The following CHMP4C variants were observed in gnomAD, a reference collection of about 807,000 sequenced individuals.
The protein encoded by CHMP4C is SNF7 homolog associated with Alix 3.
CHMP4C carries 28 observed loss-of-function variants against 29.0 expected under a neutral mutation model. The observed-to-expected ratio is 0.97, with a 90% CI of 0.72 to 1.32. The LOEUF (loss-of-function observed/expected upper bound fraction) is 1.32. CHMP4C is among the 40% of genes most tolerant of loss of function. The pLI is 0.00. For missense variants in CHMP4C, 291 were observed against 281.0 expected, an observed-to-expected ratio of 1.04 and a Z score of -0.25; for synonymous variants, 106 against 102.4, an observed-to-expected ratio of 1.04 and a Z score of -0.21.
intron 1 of CHMP4C, among the ~76,000 whole-genome samples, chr8:81,745,709 G>A (rs925495461): frequency 6.6e-6 from 1 of 152,112 alleles, no homozygotes; most frequent in Non-Finnish European, 1.5e-5. Context: ...GTACATAAAC[G>A]ACATTGTTCG....
At chr8:81,752,054 G>C (rs1229262700) in intron 1 of CHMP4C, among the ~76,000 whole-genome samples, 1 of 151,724 alleles carries the variant, frequency 6.6e-6, no homozygotes, top group African/African-American at 2.4e-5. Flanking sequence ...GTGCACCATG[G>C]AAAAAGCACT....
At position 81,732,804 on chromosome 8, in the gene CHMP4C, C is replaced by A; in HGVS notation, c.178C>A (p.Gln60Lys). 2 of 1,611,942 alleles carry A rather than the reference C, an allele frequency of 1.2e-6. No individual in the cohort carries two copies. Among genetic ancestry groups the A allele is most frequent in the Non-Finnish European group, 8.5e-7 (1 of 1,179,070 alleles). The change falls in exon 1 of 5, where the codon CAG becomes AAG. Residue 60 changes from glutamine (Q) to lysine (K), a missense_variant. By Grantham distance (53) the Gln-to-Lys change is moderately conservative. Transcript: ENST00000297265. The stretch of plus-strand genomic sequence containing the variant: ...CGCCCTGGCCAAGAAGCACGGCACG[C>A]AGAATAAGCGAGGTAGGCTGGGGTC... ...EIALAKKHGT[Q>K]NKRAALQALK... is the part of the protein sequence containing the mutation.
chr8:81,740,376 C>T (rs1024601103), intron 1 of CHMP4C, among the ~76,000 whole-genome samples: 2 of 152,230 alleles, frequency 1.3e-5, no homozygotes, highest in East Asian at 3.9e-4. Context: ...TAGATCCTCG[C>T]ATGCTCAGTT....
intron 1 of CHMP4C, among the ~76,000 whole-genome samples, chr8:81,734,519 A>G (rs76390200): frequency 0.044 from 6,636 of 152,212 alleles, 167 homozygotes; most frequent in South Asian, 0.084. Context: ...TAATAGAGAC[A>G]GGGTTTCTCC....
intron 1 of CHMP4C, among the ~76,000 whole-genome samples, chr8:81,746,591 G>T (rs1320150902): frequency 6.6e-6 from 1 of 152,170 alleles, no homozygotes; most frequent in East Asian, 1.9e-4. Context: ...TGACCTTCTA[G>T]CTGCTTCACT....
intron 2 of CHMP4C, among the ~76,000 whole-genome samples, chr8:81,753,535 A>G (rs1808935443): frequency 1.3e-5 from 2 of 152,172 alleles, no homozygotes; most frequent in South Asian, 4.1e-4. Context: ...CTTCGATTTC[A>G]ACCTGTGTGA....
At chr8:81,745,286 T>G (rs1585943630) in intron 1 of CHMP4C, among the ~76,000 whole-genome samples, 2 of 152,212 alleles carry the variant, frequency 1.3e-5, no homozygotes, top group South Asian at 4.1e-4. Flanking sequence ...AGCCTCATCT[T>G]TTAGCCCTTC....
At chr8:81,755,126 A>C (rs1421260862) in intron 2 of CHMP4C, among the ~76,000 whole-genome samples, 1 of 152,168 alleles carries the variant, frequency 6.6e-6, no homozygotes, top group East Asian at 1.9e-4. Flanking sequence ...ATAGTTATAA[A>C]ATACTTTTAT....
intron 1 of CHMP4C, among the ~76,000 whole-genome samples, chr8:81,744,016 T>G (rs899154337): frequency 3.9e-5 from 6 of 152,194 alleles, no homozygotes; most frequent in African/African-American, 9.7e-5. Flanking sequence ...CCTTAGAATA[T>G]CTCTTATTTA....
chr8:81,756,247 A>G (rs572724392), intron 3 of CHMP4C, among the ~76,000 whole-genome samples: 30 of 152,292 alleles, frequency 2.0e-4, no homozygotes, highest in Middle Eastern at 3.4e-3. Context: ...CTTGCAGGCC[A>G]AATTCTTCCC....
intron 1 of CHMP4C, among the ~76,000 whole-genome samples, chr8:81,744,244 C>T (rs926450064): frequency 3.3e-5 from 5 of 152,132 alleles, no homozygotes; most frequent in African/African-American, 1.2e-4. Flanking sequence ...CGAAGATGTG[C>T]TCTATATTTG....
At chr8:81,752,039 T>G (rs1406452507) in intron 1 of CHMP4C, among the ~76,000 whole-genome samples, 3 of 150,684 alleles carry the variant, frequency 2.0e-5, no homozygotes, top group South Asian at 2.1e-4. Context: ...AATGGCTGAG[T>G]CTTTGTGCAC....
chr8:81,745,718 C>T (rs527648836), intron 1 of CHMP4C, among the ~76,000 whole-genome samples: 1 of 152,238 alleles, frequency 6.6e-6, no homozygotes, highest in South Asian at 2.1e-4. Flanking sequence ...CGACATTGTT[C>T]GGCAACTCCA....
chr8:81,733,620 G>A (rs549126582), intron 1 of CHMP4C, among the ~76,000 whole-genome samples: 30 of 152,184 alleles, frequency 2.0e-4, no homozygotes, highest in African/African-American at 6.7e-4. Context: ...GATTCTTGGT[G>A]TTCCTGTTGC....
At chr8:81,736,583 A>G (rs1038364628) in intron 1 of CHMP4C, among the ~76,000 whole-genome samples, 2 of 152,200 alleles carry the variant, frequency 1.3e-5, no homozygotes, top group African/African-American at 4.8e-5. Context: ...ACTTAACACT[A>G]GAATGGTGCC....
chr8:81,741,490 A>G (rs904000052), intron 1 of CHMP4C, among the ~76,000 whole-genome samples: 3 of 152,156 alleles, frequency 2.0e-5, no homozygotes, highest in African/African-American at 7.2e-5. Flanking sequence ...ACTTAGGACC[A>G]CTTATTTCAG....
At chr8:81,757,910 T>C (rs778445575) in intron 3 of CHMP4C, among the ~76,000 whole-genome samples, 1 of 152,210 alleles carries the variant, frequency 6.6e-6, no homozygotes, top group African/African-American at 2.4e-5. Flanking sequence ...ATTACTTGAA[T>C]GGCTGTTTAC....
chr8:81,736,767 T>C (rs980666797), intron 1 of CHMP4C, among the ~76,000 whole-genome samples: 2 of 152,182 alleles, frequency 1.3e-5, no homozygotes, highest in Admixed American at 6.5e-5. Flanking sequence ...TGGGACTTCA[T>C]TGAGCTCATG....
chr8:81,734,234 C>T (rs16909527), intron 1 of CHMP4C, among the ~76,000 whole-genome samples: 6,638 of 152,260 alleles, frequency 0.044, 166 homozygotes, highest in South Asian at 0.084. Context: ...CACACTCTGA[C>T]GTTTGCTTAG....
Sources: gnomAD v4.1 joint callset for allele counts (sites outside exome capture counted in the v4.1 genomes callset) on GRCh38, gnomAD v4.1.1 for gene constraint, MANE v1.5 for transcripts, NCBI Gene and HGNC (gene_info 2026-07-23, HGNC 2026-07-21) for gene names.